ALG5: variants seen among roughly 807,000 people sequenced by gnomAD.
The protein encoded by ALG5 is dolichyl-phosphate beta-glucosyltransferase.
Under a neutral mutation model 51.8 loss-of-function variants are expected in ALG5, and 26 were observed. The ratio of observed to expected loss-of-function variants is 0.50; its 90% confidence interval spans 0.37 to 0.70. The LOEUF is 0.70. ALG5 is among the 30% of genes least tolerant of loss of function. The pLI is 0.00. For synonymous variants in ALG5, 141 were observed against 136.1 expected (o/e 1.04, Z -0.25); for missense variants, 311 against 399.3 (o/e 0.78, Z 1.88).
At chr13:36,966,506 T>C (rs1424454798) in intron 7 of ALG5, among the ~76,000 whole-genome samples, 1 of 152,150 alleles carries the variant, frequency 6.6e-6, no homozygotes, top group African/African-American at 2.4e-5. Flanking sequence ...TTCTAAAAAA[T>C]AAAATAACAA....
Position 36,993,625 on chromosome 13 carries a change from G to T in ALG5, c.333C>A (p.Gly111=), listed in dbSNP as rs1008078650. The T allele has an allele frequency of 2.5e-6, 4 of 1,613,300 alleles. No individual in the cohort carries two copies. In the African/African-American group the frequency reaches 5.3e-5, roughly 22 times the overall value. ...TTACCTTTGAGGTCTGATCTTTACT[G>T]CCATCATCAACTACTATCACTTCAT... The part of the protein sequence containing the change: ...FTYEVIVVDD[G]SKDQTSKVAF... Residue 111 remains glycine, a synonymous_variant, in exon 4 of 10, where the codon GGC becomes GGA. Transcript: ENST00000239891.
rs1162980931 is a variant in ALG5, at chr13:36,954,622, A to G, written c.774-2023T>C. Among the ~76,000 whole-genome samples, 3 of 152,370 alleles carry G rather than the reference A, an allele frequency of 2.0e-5. No homozygotes were observed. The East Asian group carries it at 5.8e-4, about 29-fold the overall frequency. Reference sequence around the variant, plus strand: ...CCTAAGCAAACATTTTAACTAAAATACCAAGTACTTCTATACAGAGCCTTA... The same window carrying G: ...CCTAAGCAAACATTTTAACTAAAATGCCAAGTACTTCTATACAGAGCCTTA... On this transcript the variant is annotated intron_variant, in intron 8 of 9. Coordinates refer to ENST00000239891, the MANE Select transcript of ALG5 (RefSeq NM_013338.5).
rs557983854 is a variant in ALG5 at position 36,978,633 on chromosome 13, C to T, written c.562-6597G>A. Among the ~76,000 whole-genome samples, 6 of 151,280 alleles carry T rather than the reference C, an allele frequency of 4.0e-5. No homozygotes were observed. The East Asian group carries it at 5.9e-4, about 15-fold the overall frequency. ...ATCAAGCACAAAGATGAATGTTAGC[C>T]GGGCGTGGTGGCTCACGCCTGTAAT... On this transcript the variant is annotated intron_variant, in intron 6 of 9. Coordinates refer to ENST00000239891, the MANE Select transcript of ALG5 (RefSeq NM_013338.5).
In ALG5 at chr13:36,949,924, C is replaced by A. The variant is rs750786899; in HGVS notation, c.*18G>T. The A allele has an allele frequency of 6.5e-7, 1 of 1,546,222 alleles. No individual in the cohort carries two copies. The highest frequency in any genetic ancestry group is 8.9e-7 in the Non-Finnish European group (1 of 1,124,616). ...GTGACACTGAAGCATAAGAACACAA[C>A]TGAAGACTGCAAACAACCTAATTCA... On this transcript the variant is annotated 3_prime_UTR_variant, in exon 10 of 10. Coordinates refer to ENST00000239891, the MANE Select transcript of ALG5 (RefSeq NM_013338.5).
At position 36,994,993 on chromosome 13, in the gene ALG5, C is replaced by T. The variant is rs1399300168; in HGVS notation, c.281G>A (p.Arg94Lys). 1 of 1,612,170 alleles carries T rather than the reference C, an allele frequency of 6.2e-7. No homozygotes were observed. Among genetic ancestry groups the T allele is most frequent in the African/African-American group, 1.3e-5 (1 of 74,824 alleles). Residue 94 changes from arginine (R) to lysine (K), a missense_variant, in exon 3 of 10, where the codon AGA becomes AAA. Arg to Lys is a conservative substitution (Grantham distance 26, BLOSUM62 2). Coordinates refer to ENST00000239891, the MANE Select transcript of ALG5 (RefSeq NM_013338.5). The part of the protein sequence containing the change: ...MDEALSYLEK[R>K]QKRDPAFTYE... Reference sequence around the variant, plus strand: ...TTAAAAGAGAAAACATGATACCTGTCTCTTCTCTAGATAGCTCAGAGCTTC... The same window carrying T: ...TTAAAAGAGAAAACATGATACCTGTTTCTTCTCTAGATAGCTCAGAGCTTC...
At chr13:36,953,019 A>G (rs1318336545) in intron 8 of ALG5, 1 of 155,390 alleles carries the variant, frequency 6.4e-6, no homozygotes, top group Non-Finnish European at 1.4e-5. Flanking sequence ...ACTGTTTTAC[A>G]TTACTTTAGA....
intron 7 of ALG5, among the ~76,000 whole-genome samples, chr13:36,970,114 C>G (rs1247196053): frequency 6.6e-6 from 1 of 150,774 alleles, no homozygotes; most frequent in South Asian, 2.1e-4. Context: ...TGCTGAAGAT[C>G]TTAGACACAT....
At chr13:36,977,100 G>A (rs1340796378) in intron 6 of ALG5, among the ~76,000 whole-genome samples, 1 of 152,184 alleles carries the variant, frequency 6.6e-6, no homozygotes, top group African/African-American at 2.4e-5. Context: ...GAGCTTTTAA[G>A]AGTTTTGTGT....
intron 7 of ALG5, among the ~76,000 whole-genome samples, chr13:36,969,255 C>T (rs1402498155): frequency 3.9e-5 from 6 of 152,002 alleles, no homozygotes; most frequent in Admixed American, 6.5e-5. Flanking sequence ...CCATGAAAAA[C>T]AAAACCAAAA....
intron 4 of ALG5, among the ~76,000 whole-genome samples, chr13:36,993,164 C>T (rs1179260122): frequency 6.6e-6 from 1 of 152,208 alleles, no homozygotes; most frequent in African/African-American, 2.4e-5. Context: ...CAAAGTGCAG[C>T]ACTTACCCTT....
At chr13:36,982,947 CAT>C (rs2058986505) in intron 6 of ALG5, among the ~76,000 whole-genome samples, 1 of 152,174 alleles carries the variant, frequency 6.6e-6, no homozygotes, top group Non-Finnish European at 1.5e-5. Flanking sequence ...ATGATAATCA[CAT>C]GCTTTAATTC....
chr13:36,987,477 G>T (rs566065863), intron 5 of ALG5, among the ~76,000 whole-genome samples: 1 of 152,270 alleles, frequency 6.6e-6, no homozygotes, highest in South Asian at 2.1e-4. Flanking sequence ...GTTTTCATGA[G>T]ATCTGGTTGT....
intron 8 of ALG5, among the ~76,000 whole-genome samples, chr13:36,964,202 A>AG (rs1186148869): frequency 6.6e-6 from 1 of 152,136 alleles, no homozygotes; most frequent in East Asian, 1.9e-4. Flanking sequence ...GAAGGTGAGA[A>AG]GGGGCGTGGT....
At chr13:36,977,403 G>C (rs2058956874) in intron 6 of ALG5, among the ~76,000 whole-genome samples, 1 of 152,098 alleles carries the variant, frequency 6.6e-6, no homozygotes, top group African/African-American at 2.4e-5. Flanking sequence ...TGTAGTCCTA[G>C]CCACTAGGGA....
At chr13:36,979,839 G>A (rs927743664) in intron 6 of ALG5, among the ~76,000 whole-genome samples, 2 of 152,088 alleles carry the variant, frequency 1.3e-5, no homozygotes, top group Admixed American at 6.5e-5. Flanking sequence ...TTGAGGTCAG[G>A]AGTTCAAGAC....
chr13:36,960,851 C>T (rs981883827), intron 8 of ALG5, among the ~76,000 whole-genome samples: 4 of 151,664 alleles, frequency 2.6e-5, no homozygotes, highest in Non-Finnish European at 5.9e-5. Context: ...TGCCATGTTG[C>T]CCAGGCTTGT....
chr13:36,953,228 C>T (rs933102147), intron 8 of ALG5, among the ~76,000 whole-genome samples: 11 of 152,178 alleles, frequency 7.2e-5, no homozygotes, highest in Non-Finnish European at 1.6e-4. Context: ...ACATAGGAAT[C>T]TGATATATTG....
rs534822632 is a variant in ALG5 at position 36,965,654 on chromosome 13, T to C, written c.694A>G (p.Arg232Gly). The C allele has an allele frequency of 5.5e-5, 88 of 1,614,038 alleles. 1 individual carries two copies. In the South Asian group the frequency reaches 8.6e-4, roughly 16 times the overall value. Residue 232 changes from arginine to glycine, a missense_variant, in exon 8 of 10, where the codon AGG becomes GGG. Arg to Gly is a moderately radical substitution (Grantham distance 125, BLOSUM62 -2). Coordinates refer to ENST00000239891, the MANE Select transcript of ALG5 (RefSeq NM_013338.5). ...LVWFLCVKGIRDTQCGFKLFT... is the reference protein window; with the variant it reads ...LVWFLCVKGIGDTQCGFKLFT... ...AATTTGAACCCACACTGTGTGTCCC[T>C]GATTCCTTTGACACAAAGGAACCAC...
chr13:36,980,213 C>T (rs986764197), intron 6 of ALG5, among the ~76,000 whole-genome samples: 8 of 152,004 alleles, frequency 5.3e-5, no homozygotes, highest in Admixed American at 3.9e-4. Flanking sequence ...TCATCATATA[C>T]TTTGGGATTA....
Sources: gnomAD v4.1 joint callset for allele counts (sites outside exome capture counted in the v4.1 genomes callset) on GRCh38, gnomAD v4.1.1 for gene constraint, MANE v1.5 for transcripts, NCBI Gene and HGNC (gene_info 2026-07-23, HGNC 2026-07-21) for gene names.